The following PROM1 variants were observed in gnomAD, a reference collection of about 807,000 sequenced individuals.
The protein encoded by PROM1 is prominin-1.
In PROM1, 105 loss-of-function variants were observed where a neutral mutation model predicts 116.9. The ratio of observed to expected loss-of-function variants is 0.90; its 90% CI spans 0.77 to 1.06. The LOEUF (loss-of-function observed/expected upper bound fraction) is 1.06, where lower values mean the gene tolerates loss of function less well. Among genes scored for constraint, PROM1 ranks in the 50% least tolerant of loss-of-function variants. PROM1 has a pLI of 0.00. For synonymous variants in PROM1, 393 were observed against 387.0 expected, an observed-to-expected ratio of 1.02 and a Z score of -0.18; for missense variants, 1,122 against 1,045.2, an observed-to-expected ratio of 1.07 and a Z score of -1.01.
At chr4:16,034,011 A>G (rs1266040382) in intron 4 of PROM1, among the ~76,000 whole-genome samples, 3 of 152,124 alleles carry the variant, frequency 2.0e-5, no homozygotes, top group Non-Finnish European at 2.9e-5. Flanking sequence ...GGTTACTGGA[A>G]GATGTCTTTC....
chr4:15,970,994 TA>T, intron 27 of PROM1, 48 bp downstream of exon 27: 1 of 1,447,246 alleles, frequency 6.9e-7, no homozygotes. Flanking sequence ...TTCTAAAAAC[TA>T]AAAACTATAG....
chr4:15,984,671 A>G (rs1035266588), intron 22 of PROM1, among the ~76,000 whole-genome samples: 3 of 152,190 alleles, frequency 2.0e-5, no homozygotes, highest in Admixed American at 1.3e-4. Flanking sequence ...TTAGATTCTC[A>G]TAGGAGCATG....
At chr4:15,993,643 C>G (rs909880722) in intron 16 of PROM1, among the ~76,000 whole-genome samples, 2 of 152,182 alleles carry the variant, frequency 1.3e-5, no homozygotes, top group Admixed American at 6.5e-5. Flanking sequence ...GGAGTGAGAG[C>G]CTTCCTGAGG....
intron 2 of PROM1, among the ~76,000 whole-genome samples, chr4:16,071,173 T>C (rs1037269244): frequency 6.6e-6 from 1 of 152,202 alleles, no homozygotes; most frequent in Non-Finnish European, 1.5e-5. Context: ...CCCTGTGCTC[T>C]AACCTATCAG....
intron 2 of PROM1, among the ~76,000 whole-genome samples, chr4:16,043,419 G>A (rs2149434309): frequency 6.6e-6 from 1 of 152,304 alleles, no homozygotes; most frequent in South Asian, 2.1e-4. Context: ...CCTGGCCTCA[G>A]CCTCCAGAGT....
intron 2 of PROM1, among the ~76,000 whole-genome samples, chr4:16,068,208 G>A (rs1741994955): frequency 6.6e-6 from 1 of 152,100 alleles, no homozygotes; most frequent in Admixed American, 6.5e-5. Context: ...TGGTTACCTT[G>A]GCTATCTTAA....
In PROM1 at chr4:16,002,579, A is replaced by G. The variant is rs183494469; in HGVS notation, c.1455-1960T>C. On this transcript the variant is annotated intron_variant, in intron 13 of 27. Coordinates refer to ENST00000447510, the MANE Select transcript of PROM1 (RefSeq NM_006017.3). ...ATATTTGTGTATCTTCACTAAAATA[A>G]ATAGCAAGTAATGTTCATTGGAAAG... 2.3e-3 allele frequency among the ~76,000 whole-genome samples: 351 copies of G among 152,308 alleles called. 5 individuals are homozygous for G. Among genetic ancestry groups the G allele is most frequent in the Admixed American group, 0.022 (330 of 15,302 alleles).
At chr4:16,034,278 G>T (rs1733496311) in intron 4 of PROM1, among the ~76,000 whole-genome samples, 1 of 152,128 alleles carries the variant, frequency 6.6e-6, no homozygotes, top group South Asian at 2.1e-4. Flanking sequence ...TCTAAGTCAG[G>T]CACGTTAAAC....
intron 20 of PROM1, among the ~76,000 whole-genome samples, 160 bp downstream of exon 20, chr4:15,987,503 A>G (rs1247715828): frequency 6.6e-6 from 1 of 152,216 alleles, no homozygotes; most frequent in East Asian, 1.9e-4. Flanking sequence ...GTACTTGTAG[A>G]AAGGAAATAG....
intron 13 of PROM1, among the ~76,000 whole-genome samples, chr4:16,005,243 G>C (rs1017880586): frequency 6.6e-6 from 1 of 152,116 alleles, no homozygotes; most frequent in African/African-American, 2.4e-5. Flanking sequence ...GATTACAGGC[G>C]TGAGCCATCG....
chr4:15,996,228 T>C (rs1197843465), intron 15 of PROM1, among the ~76,000 whole-genome samples: 1 of 152,186 alleles, frequency 6.6e-6, no homozygotes, highest in African/African-American at 2.4e-5. Context: ...TAAACAGTAA[T>C]GGCCGGGCTT....
At chr4:16,046,631 A>T (rs1554242) in intron 2 of PROM1, among the ~76,000 whole-genome samples, 105,464 of 152,158 alleles carry the variant, frequency 0.69, 37,455 homozygotes, top group Non-Finnish European at 0.78. Flanking sequence ...GAAGGAAAAC[A>T]ACCCTTAGAT....
intron 2 of PROM1, among the ~76,000 whole-genome samples, chr4:16,052,409 C>A (rs1227121446): frequency 6.6e-6 from 1 of 152,186 alleles, no homozygotes; most frequent in Non-Finnish European, 1.5e-5. Flanking sequence ...CCCGACACAG[C>A]AGAATGCCCC....
At chr4:15,994,607 A>T (rs1721858967) in intron 15 of PROM1, among the ~76,000 whole-genome samples, 1 of 152,228 alleles carries the variant, frequency 6.6e-6, no homozygotes, top group African/African-American at 2.4e-5. Flanking sequence ...GTTTGGCTGT[A>T]ACCTAAGTCA....
At chr4:15,986,956 C>G (rs1719576612) in intron 20 of PROM1, among the ~76,000 whole-genome samples, 1 of 152,204 alleles carries the variant, frequency 6.6e-6, no homozygotes, top group Admixed American at 6.5e-5. Flanking sequence ...GAATACAACC[C>G]AGCCTTGCAG....
chr4:16,006,131 C>T (rs1163927261), intron 13 of PROM1, among the ~76,000 whole-genome samples: 4 of 152,182 alleles, frequency 2.6e-5, no homozygotes, highest in Non-Finnish European at 5.9e-5. Flanking sequence ...ATACTGCTGA[C>T]CAATACTGCT....
intron 2 of PROM1, among the ~76,000 whole-genome samples, chr4:16,041,785 A>AT (rs1735342437): frequency 5.6e-4 from 21 of 37,622 alleles, no homozygotes; most frequent in East Asian, 3.2e-3. Context: ...TAAATAAATA[A>AT]ATATATATAT....
At chr4:16,061,955 G>A (rs938052675) in intron 2 of PROM1, among the ~76,000 whole-genome samples, 5 of 142,200 alleles carry the variant, frequency 3.5e-5, no homozygotes, top group South Asian at 2.2e-4. Context: ...GCAGTGGCGC[G>A]ATCTTGACTC....
rs577565476 is a variant in PROM1, at chr4:16,030,113, T to C, written c.509+3191A>G. On this transcript the variant is annotated intron_variant, in intron 5 of 27. Transcript: ENST00000447510. ...TAGCTTGGATTACTTGCAAACAATA[T>C]GTAGGTATTATGCAACTCATGATGT... 1.8e-3 allele frequency among the ~76,000 whole-genome samples: 269 copies of C among 152,318 alleles called. 2 individuals carry two copies. Among genetic ancestry groups the C allele is most frequent in the Non-Finnish European group, 3.3e-3 (223 of 68,028 alleles).
Sources: gnomAD v4.1 joint callset for allele counts (sites outside exome capture counted in the v4.1 genomes callset) on GRCh38, gnomAD v4.1.1 for gene constraint, MANE v1.5 for transcripts, NCBI Gene and HGNC (gene_info 2026-07-23, HGNC 2026-07-21) for gene names.